The following R3HDM4 variants were observed in gnomAD, a reference collection of about 807,000 sequenced individuals.
The protein encoded by R3HDM4 is R3H domain-containing protein 4.
A neutral mutation model predicts 31.3 loss-of-function variants in R3HDM4; 30 were observed. The observed-to-expected ratio is 0.96, with a 90% confidence interval of 0.72 to 1.30. The LOEUF (loss-of-function observed/expected upper bound fraction) is 1.30, where lower values mean the gene tolerates loss of function less well. R3HDM4 is among the 50% of genes most tolerant of loss of function. The pLI is 0.00. For synonymous variants in R3HDM4, 196 were observed against 156.6 expected (o/e 1.25, Z -1.88); for missense variants, 444 against 366.1 (o/e 1.21, Z -1.74).
At chr19:908,323 C>G (rs2036931354) in intron 1 of R3HDM4, among the ~76,000 whole-genome samples, 1 of 151,860 alleles carries the variant, frequency 6.6e-6, no homozygotes, top group African/African-American at 2.4e-5. Flanking sequence ...ATCCCCATGC[C>G]TGGCCGGGCG....
chr19:900,899 GC>G lies in R3HDM4; in HGVS notation c.404del (p.Arg135ProfsTer79). The G allele has an allele frequency of 6.2e-7, 1 of 1,604,540 alleles. No homozygotes were observed. The highest frequency in any genetic ancestry group is 8.5e-7 in the Non-Finnish European group (1 of 1,177,190). ...RSGEEQERVL[R>X]YLEDEGRSKA... ...TGCTCCTGCCCTCATCCTCCAGGTA[GC>G]GAAGAACCCGCTCCTGCTCCTCCCC... On this transcript the variant is annotated frameshift_variant, in exon 4 of 8. Transcript: ENST00000361574. LOFTEE classifies it high-confidence loss of function.
rs573721312 is a variant in R3HDM4 at position 907,905 on chromosome 19, C to A, written c.71+5182G>T. On this transcript the variant is annotated intron_variant, in intron 1 of 7. Coordinates refer to ENST00000361574, the MANE Select transcript of R3HDM4 (RefSeq NM_138774.4). The surrounding 1 kb of genome is among the most constrained non-coding windows in gnomAD (Gnocchi z 4.1). The stretch of plus-strand genomic sequence containing the variant: ...GGAGCTGGCTGACTTCAACCAGTTT[C>A]CAGCAGGAAATTAAGAAACATCTTC... Among the ~76,000 whole-genome samples, 22 of 152,278 alleles carry A rather than the reference C, an allele frequency of 1.4e-4. No homozygotes were observed. In the East Asian group the frequency reaches 3.5e-3, roughly 24 times the overall value.
intron 1 of R3HDM4, among the ~76,000 whole-genome samples, chr19:909,481 A>G (rs539928716): frequency 5.5e-4 from 84 of 152,144 alleles, no homozygotes; most frequent in Non-Finnish European, 1.1e-3. Context: ...ATAGTTACAT[A>G]GGAGTCACTA....
chr19:910,482 C>G (rs1418337159), intron 1 of R3HDM4, among the ~76,000 whole-genome samples: 1 of 151,760 alleles, frequency 6.6e-6, no homozygotes, highest in Non-Finnish European at 1.5e-5. Context: ...AATACTACTA[C>G]TAGGCCGGGC....
At chr19:901,023 G>T in intron 3 of R3HDM4, 71 bp from the exon 4 acceptor site, 1 of 1,482,526 alleles carries the variant, frequency 6.7e-7, no homozygotes, top group Non-Finnish European at 9.0e-7. Flanking sequence ...GGGCAAATGG[G>T]CACGGTAAGG....
At chr19:911,093 C>A (rs917424965) in intron 1 of R3HDM4, among the ~76,000 whole-genome samples, 1 of 151,578 alleles carries the variant, frequency 6.6e-6, no homozygotes, top group South Asian at 2.1e-4. Flanking sequence ...TGCACTCCAG[C>A]CTGGACGACA....
intron 1 of R3HDM4, among the ~76,000 whole-genome samples, chr19:905,505 C>CAAA (rs71335321): frequency 1.1e-3 from 114 of 101,022 alleles, no homozygotes; most frequent in Middle Eastern, 5.3e-3. Context: ...AACTCTGTCT[C>CAAA]AAAAAAAAAA....
At chr19:901,663 G>T in intron 2 of R3HDM4, 117 bp from the exon 3 acceptor site, 2 of 1,332,068 alleles carry the variant, frequency 1.5e-6, no homozygotes, top group Non-Finnish European at 2.0e-6. Flanking sequence ...GCACCTCCAT[G>T]CTCCAACTGT....
chr19:897,302 A>T lies in R3HDM4; in HGVS notation c.*135T>A. 1 of 636,668 alleles carries T rather than the reference A, an allele frequency of 1.6e-6. No homozygotes were observed. Among genetic ancestry groups the T allele is most frequent in the Admixed American group, 3.3e-5 (1 of 30,738 alleles). 39.4% of individuals were successfully genotyped at this position (636,668 alleles called of 1,614,324 possible). On this transcript the variant is annotated 3_prime_UTR_variant, in exon 8 of 8. Transcript: ENST00000361574. Reference sequence around the variant, plus strand: ...GCCAAGAGCTGCGTGAGGAGGGGGCAGAGTGAGAGAGACCACCCCAAGCGA... The same window carrying T: ...GCCAAGAGCTGCGTGAGGAGGGGGCTGAGTGAGAGAGACCACCCCAAGCGA...
Position 902,244 on chromosome 19 carries a change from C to T in R3HDM4, c.72-114G>A, listed in dbSNP as rs1418087582. ...TCCCCCAGCAATGGAGAGCTCACCC[C>T]TACGGTGTGTGAAGTCCTGGGCCCT... On this transcript the variant is annotated intron_variant, in intron 1 of 7. Transcript: ENST00000361574. 2.5e-6 allele frequency: 3 copies of T among 1,196,128 alleles called. No homozygotes were observed. The Admixed American group carries it at 6.4e-5, about 26-fold the overall frequency. 74.1% of individuals were successfully genotyped at this position (1,196,128 alleles called of 1,614,324 possible). A position where few individuals can be genotyped will look rare whatever the true frequency, so the allele number is the denominator to read the frequency against.
In R3HDM4 at chr19:897,424, C is replaced by G. The variant is rs765752615; in HGVS notation, c.*13G>C. 1 of 1,585,114 alleles carries G rather than the reference C, an allele frequency of 6.3e-7. No individual in the cohort carries two copies. The highest frequency in any genetic ancestry group is 8.6e-7 in the Non-Finnish European group (1 of 1,164,210). On this transcript the variant is annotated 3_prime_UTR_variant, in exon 8 of 8. Transcript: ENST00000361574. ...CTGGGCGAGGTGGCAGCGGGGTCTC[C>G]GCGGGGCCGCCATCAGCTGTGCTGC... is the stretch of plus-strand genomic sequence containing the variant.
At chr19:902,534 C>G (rs537915635) in intron 1 of R3HDM4, 1 of 174,032 alleles carries the variant, frequency 5.7e-6, no homozygotes, top group East Asian at 1.5e-4. Context: ...GTCCCAGCTA[C>G]TCAGGGGCCT....
intron 1 of R3HDM4, among the ~76,000 whole-genome samples, chr19:906,395 AT>A (rs1487714510): frequency 6.6e-6 from 1 of 151,518 alleles, no homozygotes; most frequent in African/African-American, 2.4e-5. Flanking sequence ...AATTTTTTGT[AT>A]TTTTAGTAGA....
intron 1 of R3HDM4, among the ~76,000 whole-genome samples, chr19:903,681 G>A (rs1322246043): frequency 6.6e-6 from 1 of 152,206 alleles, no homozygotes; most frequent in African/African-American, 2.4e-5. Flanking sequence ...CTTGAGCCTG[G>A]GGAGTTTGAG....
At position 902,006 on chromosome 19, in the gene R3HDM4, C is replaced by T; in HGVS notation, c.196G>A (p.Gly66Arg). ...RNSDLVPKAK[G>R]RKSLQRLENT... ...TCCAGGCGCTGGAGGCTCTTCCGCCCCTTGGCCTTGGGCACGAGGTCTGAG... is the reference window on the plus strand; with the variant it reads ...TCCAGGCGCTGGAGGCTCTTCCGCCTCTTGGCCTTGGGCACGAGGTCTGAG... Residue 66 changes from glycine (G) to arginine (R), a missense_variant, in exon 2 of 8, where the codon GGG becomes AGG. By Grantham distance (125) the Gly-to-Arg change is moderately radical. Coordinates refer to ENST00000361574, the MANE Select transcript of R3HDM4 (RefSeq NM_138774.4). 1 of 1,613,838 alleles carries T rather than the reference C, an allele frequency of 6.2e-7. No homozygotes were observed. Among genetic ancestry groups the T allele is most frequent in the Non-Finnish European group, 8.5e-7 (1 of 1,180,016 alleles).
At position 901,962 on chromosome 19, in the gene R3HDM4, C is replaced by T. The variant is rs375080404; in HGVS notation, c.226+14G>A. 12 of 1,613,046 alleles carry T rather than the reference C, an allele frequency of 7.4e-6. 1 individual carries two copies. Among genetic ancestry groups the T allele is most frequent in the Middle Eastern group, 3.3e-4 (2 of 6,060 alleles). On this transcript the variant is annotated intron_variant, in intron 2 of 7. Transcript: ENST00000361574. ...CCAGGAGCCCCCAGGAGGCGCCTCC[C>T]GACCCCTGCTCACTGTTCTCCAGGC...
At position 902,408 on chromosome 19, in the gene R3HDM4, A is replaced by G. The variant is rs1191963114; in HGVS notation, c.72-278T>C. The G allele has an allele frequency of 7.1e-6, 3 of 423,716 alleles. No homozygotes were observed. The Admixed American group carries it at 1.1e-4, about 15-fold the overall frequency. 26.2% of individuals were successfully genotyped at this position (423,716 alleles called of 1,614,324 possible). ...GTGGATCACTTGAGCTCAGGGGTTC[A>G]AGACCAGCCTGAGCAACATAGCAAG... On this transcript the variant is annotated intron_variant, in intron 1 of 7. Transcript: ENST00000361574.
At chr19:902,210 C>T (rs1464294312) in intron 1 of R3HDM4, 80 bp from the exon 2 acceptor site, 14 of 1,530,766 alleles carry the variant, frequency 9.1e-6, no homozygotes, top group Admixed American at 8.7e-5. Context: ...AGCCATGGCC[C>T]GCTTGGTTTC....
chr19:906,809 T>TTTTTGTTTTGTTTTGTTTTG lies in R3HDM4; in HGVS notation c.72-4699_72-4680dup, dbSNP rs60860170. Among the ~76,000 whole-genome samples the TTTTTGTTTTGTTTTGTTTTG allele has an allele frequency of 1.9e-3, 286 of 149,740 alleles. 1 individual carries two copies. Among genetic ancestry groups the TTTTTGTTTTGTTTTGTTTTG allele is most frequent in the South Asian group, 9.0e-3 (42 of 4,666 alleles). On this transcript the variant is annotated intron_variant, in intron 1 of 7. Transcript: ENST00000361574. The stretch of plus-strand genomic sequence containing the variant: ...ATGCCCATTATACAGATTTGGGGTT[T>TTTTTGTTTTGTTTTGTTTTG]TTTTGTTTTGTTTTGTTTTGTTTTG...
Sources: allele counts gnomAD v4.1 joint callset (sites outside exome capture counted in the v4.1 genomes callset), GRCh38; gene constraint gnomAD v4.1.1; non-coding constraint Gnocchi (gnomAD v3.1); transcripts MANE v1.5; gene names NCBI Gene and HGNC (gene_info 2026-07-23, HGNC 2026-07-21).